The following MMP16 variants were observed in gnomAD, a reference collection of about 807,000 sequenced individuals.
MMP16 encodes matrix metallopeptidase 16, also known as matrix metalloproteinase-16.
In MMP16, 12 loss-of-function variants were observed where a neutral mutation model predicts 67.8. That is an observed-to-expected ratio of 0.18 (90% CI 0.11 to 0.29). The LOEUF (loss-of-function observed/expected upper bound fraction) is 0.29, where lower values mean the gene tolerates loss of function less well. MMP16 is among the 10% of genes least tolerant of loss of function. MMP16 has a pLI of 1.00. For missense variants in MMP16, 475 were observed against 765.7 expected (o/e 0.62, Z 4.48); for synonymous variants, 249 against 255.9 (o/e 0.97, Z 0.26).
At chr8:88,120,549 T>C (rs1807807859) in intron 4 of MMP16, among the ~76,000 whole-genome samples, 1 of 151,768 alleles carries the variant, frequency 6.6e-6, no homozygotes, top group Non-Finnish European at 1.5e-5. Flanking sequence ...ATGCTATCAA[T>C]GGGCTAAGTG....
intron 1 of MMP16, among the ~76,000 whole-genome samples, chr8:88,296,268 T>C (rs1386676044): frequency 6.6e-6 from 1 of 152,158 alleles, no homozygotes; most frequent in East Asian, 1.9e-4. Context: ...TGAATAATGG[T>C]TTAAAGTGCA....
chr8:88,093,224 AT>A (rs1808968931), intron 6 of MMP16, among the ~76,000 whole-genome samples: 1 of 151,858 alleles, frequency 6.6e-6, no homozygotes, highest in Non-Finnish European at 1.5e-5. Context: ...TCAAAAAATG[AT>A]TGCTCTAGGG....
intron 1 of MMP16, among the ~76,000 whole-genome samples, chr8:88,296,763 T>G (rs1031076504): frequency 1.3e-5 from 2 of 148,862 alleles, no homozygotes; most frequent in African/African-American, 4.9e-5. Context: ...TAGAATCACT[T>G]GAACTCAGGA....
At chr8:88,313,092 T>C (rs1325418887) in intron 1 of MMP16, among the ~76,000 whole-genome samples, 1 of 152,246 alleles carries the variant, frequency 6.6e-6, no homozygotes, top group East Asian at 1.9e-4. Context: ...GTTTTGGCAT[T>C]CTTTACTATT....
intron 4 of MMP16, among the ~76,000 whole-genome samples, chr8:88,147,421 A>G (rs531215591): frequency 6.6e-6 from 1 of 152,090 alleles, no homozygotes; most frequent in Admixed American, 6.6e-5. Flanking sequence ...TAATGTGTGC[A>G]TGCAATGTTT....
intron 1 of MMP16, among the ~76,000 whole-genome samples, chr8:88,268,027 C>T (rs1008390760): frequency 1.3e-5 from 2 of 152,132 alleles, no homozygotes; most frequent in Non-Finnish European, 2.9e-5. Flanking sequence ...CTGGGATCTC[C>T]AGAGAACAAC....
chr8:88,198,460 C>T (rs781609983), intron 1 of MMP16, among the ~76,000 whole-genome samples: 1 of 152,144 alleles, frequency 6.6e-6, no homozygotes, highest in Non-Finnish European at 1.5e-5. Context: ...CATAAATGAC[C>T]ATCCTATGAA....
At chr8:88,244,061 C>G (rs1433045115) in intron 1 of MMP16, among the ~76,000 whole-genome samples, 1 of 150,280 alleles carries the variant, frequency 6.7e-6, no homozygotes, top group Non-Finnish European at 1.5e-5. Flanking sequence ...GTGAAAAGTT[C>G]TAGTAAAGAA....
At chr8:88,092,481 T>C (rs1808954696) in intron 6 of MMP16, among the ~76,000 whole-genome samples, 1 of 151,846 alleles carries the variant, frequency 6.6e-6, no homozygotes, top group South Asian at 2.1e-4. Context: ...TGTTAATGTC[T>C]CAAGTACTTA....
chr8:88,232,149 T>C (rs1179431206), intron 1 of MMP16, among the ~76,000 whole-genome samples: 1 of 152,172 alleles, frequency 6.6e-6, no homozygotes, highest in Non-Finnish European at 1.5e-5. Flanking sequence ...GAAGTGGTCA[T>C]CCTCATCAAT....
chr8:88,060,651 A>G (rs946558373), intron 7 of MMP16, among the ~76,000 whole-genome samples: 1 of 152,080 alleles, frequency 6.6e-6, no homozygotes, highest in South Asian at 2.1e-4. Flanking sequence ...TTACATTGCC[A>G]AATTACCGGC....
At chr8:88,091,147 A>G (rs1341810369) in intron 6 of MMP16, among the ~76,000 whole-genome samples, 1 of 151,822 alleles carries the variant, frequency 6.6e-6, no homozygotes, top group Non-Finnish European at 1.5e-5. Flanking sequence ...ATGATTAAAA[A>G]ATCAGATTTT....
At chr8:88,208,466 C>A (rs1022324219) in intron 1 of MMP16, among the ~76,000 whole-genome samples, 2 of 152,140 alleles carry the variant, frequency 1.3e-5, no homozygotes, top group Non-Finnish European at 2.9e-5. Flanking sequence ...TAGAAAATTT[C>A]CTTGGTCACC....
chr8:88,129,220 T>C (rs979503627), intron 4 of MMP16, among the ~76,000 whole-genome samples: 7 of 151,872 alleles, frequency 4.6e-5, no homozygotes, highest in African/African-American at 1.7e-4. Flanking sequence ...AAATTAGTAA[T>C]AGAATTTAAA....
At chr8:88,326,202 G>A (rs139083519) in intron 1 of MMP16, among the ~76,000 whole-genome samples, 1 of 152,318 alleles carries the variant, frequency 6.6e-6, no homozygotes, top group Non-Finnish European at 1.5e-5. Flanking sequence ...CAGCCCAGGT[G>A]TATACACGCT....
chr8:88,268,859 C>G (rs181653483), intron 1 of MMP16, among the ~76,000 whole-genome samples: 1 of 152,112 alleles, frequency 6.6e-6, no homozygotes, highest in Non-Finnish European at 1.5e-5. Flanking sequence ...CACTCTTCTT[C>G]CATTCTCTCC....
intron 4 of MMP16, among the ~76,000 whole-genome samples, chr8:88,165,506 T>C (rs1286066529): frequency 6.6e-6 from 1 of 152,102 alleles, no homozygotes; most frequent in Non-Finnish European, 1.5e-5. Flanking sequence ...AGTAAAATTC[T>C]ACCATTATAA....
intron 7 of MMP16, among the ~76,000 whole-genome samples, chr8:88,061,494 T>C (rs1429905761): frequency 6.6e-6 from 1 of 152,052 alleles, no homozygotes; most frequent in African/African-American, 2.4e-5. Flanking sequence ...CATTCTAGTA[T>C]GCTTTTGATC....
intron 1 of MMP16, among the ~76,000 whole-genome samples, chr8:88,301,539 T>C (rs748846108): frequency 5.3e-5 from 8 of 152,232 alleles, no homozygotes; most frequent in Admixed American, 4.6e-4. Flanking sequence ...TGAATATGTA[T>C]GCTATACTCT....
Sources: gnomAD v4.1 joint callset for allele counts (sites outside exome capture counted in the v4.1 genomes callset) on GRCh38, gnomAD v4.1.1 for gene constraint, MANE v1.5 for transcripts, NCBI Gene and HGNC (gene_info 2026-07-23, HGNC 2026-07-21) for gene names.